The following OCM2 variants were observed in gnomAD, a reference collection of about 807,000 sequenced individuals.
The protein encoded by OCM2 is oncomodulin-2.
Under a neutral mutation model 13.6 loss-of-function variants are expected in OCM2, and 6 were observed. The observed-to-expected ratio is 0.44, with a 90% CI of 0.24 to 0.87. The LOEUF (loss-of-function observed/expected upper bound fraction) is 0.87. OCM2 is among the 40% of genes least tolerant of loss of function. The probability of loss-of-function intolerance (pLI) is 0.22; values close to 1 mark genes in which losing one functional copy is unlikely to be tolerated. For synonymous variants in OCM2, 40 were observed against 50.7 expected, an observed-to-expected ratio of 0.79 and a Z score of 0.90; for missense variants, 118 against 136.8, an observed-to-expected ratio of 0.86 and a Z score of 0.68.
At chr7:97,985,359 C>T (rs1008075966) in intron 3 of OCM2, among the ~76,000 whole-genome samples, 24 of 144,348 alleles carry the variant, frequency 1.7e-4, no homozygotes, top group African/African-American at 6.1e-4. Flanking sequence ...GCGGAGGTTG[C>T]AGTGAGCCGA....
chr7:97,986,319 C>A lies in OCM2; in HGVS notation c.304+728G>T, dbSNP rs929453244. 2.2e-3 allele frequency among the ~76,000 whole-genome samples: 193 copies of A among 87,708 alleles called. 1 individual carries two copies. Among genetic ancestry groups the A allele is most frequent in the African/African-American group, 0.012 (188 of 15,316 alleles). The allele number at this position is 87,708 out of a possible 152,430, so 57.5% of individuals were successfully genotyped here. A position where few individuals can be genotyped will look rare whatever the true frequency, so the allele number is the denominator to read the frequency against. On this transcript the variant is annotated intron_variant, in intron 3 of 3. Coordinates refer to ENST00000257627, the Ensembl canonical transcript of OCM2. ...TAAGCGATAGTGGTATAATTTTGAACAGGTTTTTTTTTTAATAAGCATCTA... is the reference window on the plus strand; with the variant it reads ...TAAGCGATAGTGGTATAATTTTGAAAAGGTTTTTTTTTTAATAAGCATCTA...
intron 1 of OCM2, among the ~76,000 whole-genome samples, chr7:97,989,451 G>A (rs12112763): frequency 0.018 from 2,679 of 151,388 alleles, 58 homozygotes; most frequent in African/African-American, 0.059. Flanking sequence ...CCAGGCTGGA[G>A]TGCAGTGTAG....
chr7:97,989,811 C>T (rs6962899), intron 1 of OCM2, among the ~76,000 whole-genome samples: 22,732 of 151,308 alleles, frequency 0.15, 2,551 homozygotes, highest in African/African-American at 0.32. Context: ...GTGCCCACCA[C>T]CACGCCTGGC....
chr7:97,988,601 TG>T (rs997070996), intron 1 of OCM2, 53 bp from the exon 2 acceptor site: 1 of 1,609,114 alleles, frequency 6.2e-7, no homozygotes, highest in Non-Finnish European at 8.5e-7. Context: ...CATTCTATGT[TG>T]GGGCCAAGGT....
chr7:97,988,940 T>C (rs1794701054), intron 1 of OCM2, among the ~76,000 whole-genome samples: 1 of 149,710 alleles, frequency 6.7e-6, no homozygotes, highest in East Asian at 1.9e-4. Flanking sequence ...TTTCTTTTTT[T>C]TTTTTTTTTG....
At chr7:97,987,471 G>A (rs1202987725) in intron 2 of OCM2, among the ~76,000 whole-genome samples, 1 of 151,526 alleles carries the variant, frequency 6.6e-6, no homozygotes, top group East Asian at 1.9e-4. Context: ...TCAACCTCCC[G>A]AGTAGCTGGG....
chr7:97,990,016 T>TGGCGCCC, intron 1 of OCM2, 28 bp downstream of exon 1: 2 of 1,083,840 alleles, frequency 1.8e-6, no homozygotes, highest in Non-Finnish European at 2.8e-6. Flanking sequence ...TGTGAGGAAA[T>TGGCGCCC]CCCACCCCCG....
At position 97,989,128 on chromosome 7, in the gene OCM2, G is replaced by A. The variant is rs535346909; in HGVS notation, c.62-580C>T. On this transcript the variant is annotated intron_variant, in intron 1 of 3. Transcript: ENST00000257627. ...GTATTTTTAATAGAGACAGGGTTTT[G>A]TCAGGCTGGCCAGGTTGGTCTTGAA... 1.9e-4 allele frequency among the ~76,000 whole-genome samples: 29 copies of A among 151,522 alleles called. 1 individual carries two copies. Among genetic ancestry groups the A allele is most frequent in the Non-Finnish European group, 2.9e-5 (2 of 67,912 alleles).
intron 3 of OCM2, among the ~76,000 whole-genome samples, chr7:97,985,432 AAAG>A (rs538317846): frequency 0.16 from 11,007 of 68,304 alleles, 463 homozygotes; most frequent in South Asian, 0.28. Flanking sequence ...AAAAAAAAAA[AAAG>A]AAAGAAAGAA....
intron 1 of OCM2, among the ~76,000 whole-genome samples, chr7:97,988,827 T>G (rs1215165082): frequency 6.6e-6 from 1 of 152,048 alleles, no homozygotes; most frequent in Non-Finnish European, 1.5e-5. Context: ...TGGCCCACTT[T>G]ACAGGCTGTG....
Position 97,988,353 on chromosome 7 carries a change from C to G in OCM2, c.194+63G>C, listed in dbSNP as rs546418476. 5.0e-6 allele frequency: 8 copies of G among 1,600,874 alleles called. No individual in the cohort carries two copies. In the East Asian group the frequency reaches 1.8e-4, roughly 36 times the overall value. On this transcript the variant is annotated intron_variant, in intron 2 of 3. Coordinates refer to ENST00000257627, the Ensembl canonical transcript of OCM2. ...TGAAGAAATACTGAGCAACCTGGCCCCCACTGCACCCCAGGCCCACCCAGC... is the reference window on the plus strand; with the variant it reads ...TGAAGAAATACTGAGCAACCTGGCCGCCACTGCACCCCAGGCCCACCCAGC...
At chr7:97,988,181 C>T (rs34166869) in intron 2 of OCM2, among the ~76,000 whole-genome samples, 55,744 of 149,642 alleles carry the variant, frequency 0.37, 10,970 homozygotes, top group Admixed American at 0.51. Flanking sequence ...ACAGTGAGGC[C>T]CTGTCTCAAA....
chr7:97,988,668 G>A (rs1488708099), intron 1 of OCM2, 120 bp from the exon 2 acceptor site: 67 of 1,324,524 alleles, frequency 5.1e-5, no homozygotes, highest in Non-Finnish European at 7.1e-5. Flanking sequence ...CTACGGGGAT[G>A]CTCAACTGGT....
At chr7:97,987,241 C>T in intron 2 of OCM2, 85 bp from the exon 3 acceptor site, 3 of 1,505,608 alleles carry the variant, frequency 2.0e-6, no homozygotes, top group South Asian at 2.4e-5. Flanking sequence ...TTAAGCATAT[C>T]ATCTGTTTCC....
At chr7:97,990,015 A>AG in intron 1 of OCM2, 29 bp downstream of exon 1, 8 of 780,778 alleles carry the variant, frequency 1.0e-5, no homozygotes, top group Non-Finnish European at 1.7e-5. Flanking sequence ...CTGTGAGGAA[A>AG]TCCCACCCCC....
chr7:97,985,124 A>G (rs1794657235), intron 3 of OCM2, 141 bp from the exon 4 acceptor site: 1 of 648,606 alleles, frequency 1.5e-6, no homozygotes, highest in African/African-American at 1.8e-5. Flanking sequence ...GGAGGGCACA[A>G]AAGAAAGAAA....
intron 3 of OCM2, among the ~76,000 whole-genome samples, chr7:97,985,646 T>C (rs1794663821): frequency 6.6e-6 from 1 of 152,188 alleles, no homozygotes; most frequent in South Asian, 2.1e-4. Flanking sequence ...TGTGAACATT[T>C]AACTTTTTGT....
In OCM2 at chr7:97,985,511, T is replaced by C. The variant is rs1206518481; in HGVS notation, c.305-528A>G. On this transcript the variant is annotated intron_variant, in intron 3 of 3. Transcript: ENST00000257627. ...TCAAGGAAGTCCACAGGGTTCCTTT[T>C]CTCTGAACAATCTTATTTAACAAAC... 2.0e-5 allele frequency among the ~76,000 whole-genome samples: 3 copies of C among 152,212 alleles called. No individual in the cohort carries two copies. In the East Asian group the frequency reaches 5.8e-4, roughly 29 times the overall value.
chr7:97,986,322 G>GTTTT (rs35914899), intron 3 of OCM2, among the ~76,000 whole-genome samples: 1 of 150,200 alleles, frequency 6.7e-6, no homozygotes, highest in South Asian at 2.1e-4. Context: ...TTTTGAACAG[G>GTTTT]TTTTTTTTTT....
Sources: allele counts gnomAD v4.1 joint callset (sites outside exome capture counted in the v4.1 genomes callset), GRCh38; gene constraint gnomAD v4.1.1; transcripts MANE v1.5; gene names NCBI Gene and HGNC (gene_info 2026-07-23, HGNC 2026-07-21).